The following OR56A3 variants were observed in gnomAD, a reference collection of about 807,000 sequenced individuals.
OR56A3 encodes olfactory receptor 56A3.
A neutral mutation model predicts 17.5 loss-of-function variants in OR56A3; 23 were observed. The ratio of observed to expected loss-of-function variants is 1.32; its 90% CI spans 0.95 to 1.87. The LOEUF is 1.87. OR56A3 is among the 40% of genes most tolerant of loss of function. The pLI, the probability that OR56A3 is intolerant of heterozygous loss-of-function variation, is 0.00. For missense variants in OR56A3, 366 were observed against 380.1 expected, an observed-to-expected ratio of 0.96 and a Z score of 0.31; for synonymous variants, 175 against 150.6, an observed-to-expected ratio of 1.16 and a Z score of -1.19.
the OR56A3 span, among the ~76,000 whole-genome samples, chr11:5,969,029 C>A: frequency 3.9e-5 from 6 of 152,226 alleles, no homozygotes; most frequent in East Asian, 1.2e-3. Flanking sequence ...ATACTCCCAA[C>A]CCTATTACAA....
the OR56A3 span, among the ~76,000 whole-genome samples, chr11:5,980,250 C>T: frequency 6.6e-6 from 1 of 152,186 alleles, no homozygotes; most frequent in Non-Finnish European, 1.5e-5. Flanking sequence ...TGCTAGTTTT[C>T]TGCCTCAGTC....
chr11:6,016,406 A>G, the OR56A3 span, among the ~76,000 whole-genome samples: 1 of 152,094 alleles, frequency 6.6e-6, no homozygotes, highest in Non-Finnish European at 1.5e-5. Context: ...ACTGATTACA[A>G]CTGAAGAACT....
At chr11:5,994,418 G>C in the OR56A3 span, 1 of 728,514 alleles carries the variant, frequency 1.4e-6, no homozygotes, top group Non-Finnish European at 2.5e-6. Flanking sequence ...CCTGATGTCT[G>C]CCATGATCTT....
the OR56A3 span, among the ~76,000 whole-genome samples, chr11:6,010,979 G>C: frequency 2.6e-5 from 4 of 151,878 alleles, no homozygotes; most frequent in South Asian, 8.3e-4. Context: ...CTTATTTTCT[G>C]TATGTGTATA....
At chr11:5,974,446 G>A in the OR56A3 span, among the ~76,000 whole-genome samples, 2 of 152,150 alleles carry the variant, frequency 1.3e-5, no homozygotes, top group Admixed American at 1.3e-4. Flanking sequence ...TTCCTGTACT[G>A]TCTGTTTCCT....
Position 5,947,537 on chromosome 11 carries a change from A to G in OR56A3, c.191A>G (p.Tyr64Cys). ...GAGGCCTCTCTGCACCAGCCCCTGT[A>G]CTACCTGCTCAGCCTCCTCTCCCTG... is the stretch of plus-strand genomic sequence containing the variant. ...WLEASLHQPL[Y>C]YLLSLLSLLD... Residue 64 changes from tyrosine (Y) to cysteine (C), a missense_variant, in exon 3 of 3, where the codon TAC (tyrosine) becomes TGC (cysteine). Transcript: ENST00000641160. 6.2e-7 allele frequency: 1 copy of G among 1,614,062 alleles called. No individual in the cohort carries two copies.
chr11:5,973,265 C>T, the OR56A3 span, among the ~76,000 whole-genome samples: 1 of 152,068 alleles, frequency 6.6e-6, no homozygotes, highest in Non-Finnish European at 1.5e-5. Flanking sequence ...ATGGCAATTG[C>T]ATTACATTAT....
the OR56A3 span, chr11:6,001,445 A>C: frequency 6.6e-6 from 1 of 152,264 alleles, no homozygotes; most frequent in African/African-American, 2.4e-5. Context: ...CTGCCCTCAG[A>C]GAGGTGGTAC....
At chr11:6,011,201 ATT>A in the OR56A3 span, among the ~76,000 whole-genome samples, 26,578 of 104,732 alleles carry the variant, frequency 0.25, 2,621 homozygotes, top group Admixed American at 0.29. Flanking sequence ...GAGGAGATTT[ATT>A]TTATATATAT....
chr11:5,975,503 C>T, the OR56A3 span, among the ~76,000 whole-genome samples: 1 of 151,794 alleles, frequency 6.6e-6, no homozygotes, highest in Admixed American at 6.6e-5. Context: ...TGATGGTTTC[C>T]AGCTTCATCC....
At chr11:6,006,419 G>A in the OR56A3 span, 1 of 152,174 alleles carries the variant, frequency 6.6e-6, no homozygotes, top group Non-Finnish European at 1.5e-5. Context: ...ATTCACAAAG[G>A]AGTGGTCATT....
At chr11:5,994,661 T>C in the OR56A3 span, 24 of 785,594 alleles carry the variant, frequency 3.1e-5, no homozygotes, top group African/African-American at 3.0e-4. Flanking sequence ...TTCTGTCTCA[T>C]ACTTGATTCT....
At chr11:5,975,626 A>G in the OR56A3 span, among the ~76,000 whole-genome samples, 385 of 152,050 alleles carry the variant, frequency 2.5e-3, 2 homozygotes, top group African/African-American at 8.8e-3. Context: ...ATTTGGCTTG[A>G]TTCCAAGTCT....
the OR56A3 span, among the ~76,000 whole-genome samples, chr11:6,009,262 T>G: frequency 6.6e-6 from 1 of 152,178 alleles, no homozygotes; most frequent in Non-Finnish European, 1.5e-5. Context: ...TTTGCTCCAT[T>G]TCATACTGGT....
At chr11:5,986,405 G>C in the OR56A3 span, 2 of 1,613,948 alleles carry the variant, frequency 1.2e-6, no homozygotes, top group South Asian at 1.1e-5. Flanking sequence ...ATGGGGAAGG[G>C]GATAAGGAGT....
the OR56A3 span, among the ~76,000 whole-genome samples, chr11:5,982,763 C>T: frequency 6.6e-6 from 1 of 152,160 alleles, no homozygotes; most frequent in Non-Finnish European, 1.5e-5. Context: ...ACACTTCTCC[C>T]TGATAGCTCA....
At chr11:5,984,234 G>A in the OR56A3 span, among the ~76,000 whole-genome samples, 3 of 152,156 alleles carry the variant, frequency 2.0e-5, no homozygotes, top group Non-Finnish European at 4.4e-5. Context: ...CTTTACAAGA[G>A]GGAATTCTAA....
chr11:5,961,150 G>A, the OR56A3 span, among the ~76,000 whole-genome samples: 3,375 of 150,014 alleles, frequency 0.022, 51 homozygotes, highest in South Asian at 0.043. Flanking sequence ...GCCCCCGCCC[G>A]GCCACCGCCC....
chr11:5,982,661 G>T, the OR56A3 span, among the ~76,000 whole-genome samples: 3 of 152,142 alleles, frequency 2.0e-5, no homozygotes, highest in African/African-American at 7.2e-5. Context: ...AGCCTTGGGG[G>T]ATGGGTGTCT....
Sources: gnomAD v4.1 joint callset for allele counts (sites outside exome capture counted in the v4.1 genomes callset) on GRCh38, gnomAD v4.1.1 for gene constraint, MANE v1.5 for transcripts, NCBI Gene and HGNC (gene_info 2026-07-23, HGNC 2026-07-21) for gene names.